Variants in ENO4 observed in about 807,000 individuals in gnomAD.
ENO4 encodes the protein 2-phospho-D-glycerate hydro-lyase.
ENO4 carries 53 observed loss-of-function variants against 63.2 expected under a neutral mutation model. That is an observed-to-expected ratio of 0.84 (90% CI 0.67 to 1.05). ENO4 has a LOEUF of 1.05. Among genes scored for constraint, ENO4 ranks in the 50% least tolerant of loss-of-function variants. The pLI is 0.00. For missense variants in ENO4, 719 were observed against 772.0 expected (o/e 0.93, Z 0.81); for synonymous variants, 266 against 283.8 (o/e 0.94, Z 0.63).
At chr10:116,896,632 T>C (rs1936130249) in intron 10 of ENO4, among the ~76,000 whole-genome samples, 1 of 152,178 alleles carries the variant, frequency 6.6e-6, no homozygotes, top group Non-Finnish European at 1.5e-5. Flanking sequence ...ATAGTGGTGA[T>C]TAAAATGGGT....
chr10:116,861,236 A>AATATAT (rs57040708), intron 6 of ENO4, 46 bp downstream of exon 6: 50 of 168,036 alleles, frequency 3.0e-4, no homozygotes, highest in East Asian at 1.1e-3. Context: ...AAAAAAAAAA[A>AATATAT]ATATATATAT....
intron 11 of ENO4, among the ~76,000 whole-genome samples, chr10:116,876,693 G>A (rs1183494139): frequency 1.3e-5 from 2 of 152,222 alleles, no homozygotes; most frequent in African/African-American, 4.8e-5. Flanking sequence ...GCTCATGCCT[G>A]TAATCCCAGC....
Position 116,905,265 on chromosome 10 carries a change from G to A in ENO4, c.1195-6234G>A, listed in dbSNP as rs1165323798. Among the ~76,000 whole-genome samples, 9 of 150,448 alleles carry A rather than the reference G, an allele frequency of 6.0e-5. No homozygotes were observed. The South Asian group carries it at 1.9e-3, about 32-fold the overall frequency. On this transcript the variant is annotated intron_variant, in intron 10 of 10. Transcript: ENST00000369207. The stretch of plus-strand genomic sequence containing the variant: ...TACATGAGCACTTTAAGGCTGAAAC[G>A]ATGAAAAGGATGACTCAAGCACTGA...
At chr10:116,907,853 G>A in intron 10 of ENO4, 1 of 516,426 alleles carries the variant, frequency 1.9e-6, no homozygotes, top group Non-Finnish European at 3.9e-6. Context: ...AATCTTGCCA[G>A]CCTTTGTAAT....
chr10:116,862,857 G>C lies in ENO4; in HGVS notation c.990+5G>C, dbSNP rs1846451995. 3.3e-6 allele frequency: 5 copies of C among 1,536,374 alleles called. No homozygotes were observed. The highest frequency in any genetic ancestry group is 4.4e-6 in the Non-Finnish European group (5 of 1,134,320). ...ATCAACAAAATAATTGAAATGGTAT[G>C]TAAAGAGATTCTATGTTATCTAGTT... On this transcript the variant is annotated splice_donor_5th_base_variant and intron_variant, in intron 7 of 13. Transcript: ENST00000341276.
At chr10:116,864,983 G>C (rs188975662) in intron 7 of ENO4, among the ~76,000 whole-genome samples, 67 of 152,012 alleles carry the variant, frequency 4.4e-4, no homozygotes, top group African/African-American at 1.6e-3. Context: ...TTGCACCACT[G>C]TACTCCAGCC....
intron 10 of ENO4, among the ~76,000 whole-genome samples, chr10:116,899,083 AT>A (rs1470901526): frequency 1.3e-5 from 2 of 152,232 alleles, no homozygotes; most frequent in East Asian, 1.9e-4. Context: ...AAAAGAATTT[AT>A]TGAAAGCCTA....
At chr10:116,886,083 A>G, downstream of ENO4, 2 of 466,236 alleles carry the variant, frequency 4.3e-6, no homozygotes, top group Non-Finnish European at 7.5e-6. Flanking sequence ...CTTCTAAAAG[A>G]AGTCATACTT....
intron 10 of ENO4, among the ~76,000 whole-genome samples, chr10:116,895,944 C>A (rs1233743888): frequency 6.6e-6 from 1 of 152,080 alleles, no homozygotes; most frequent in Non-Finnish European, 1.5e-5. Flanking sequence ...AATACAGTAA[C>A]AACAACACAG....
intron 10 of ENO4, among the ~76,000 whole-genome samples, chr10:116,904,939 C>A (rs529306950): frequency 1.3e-5 from 2 of 151,920 alleles, no homozygotes; most frequent in African/African-American, 2.4e-5. Context: ...CGGTGGCTCA[C>A]GCCTGTAATC....
At chr10:116,878,352 T>C (rs1271695582) in intron 11 of ENO4, among the ~76,000 whole-genome samples, 1 of 152,158 alleles carries the variant, frequency 6.6e-6, no homozygotes, top group Non-Finnish European at 1.5e-5. Context: ...CTGTGGGTGG[T>C]AGATGATAGA....
intron 3 of ENO4, 57 bp downstream of exon 3, chr10:116,856,739 C>T (rs138188097): frequency 1.4e-5 from 20 of 1,384,392 alleles, no homozygotes; most frequent in South Asian, 2.9e-5. Flanking sequence ...CAGTGGCTCA[C>T]GCCTGTAATC....
chr10:116,865,694 G>A (rs558817002), intron 7 of ENO4, among the ~76,000 whole-genome samples: 4 of 152,272 alleles, frequency 2.6e-5, no homozygotes, highest in Middle Eastern at 6.8e-3. Context: ...TGGCTTGGAA[G>A]GAGAGTTCTG....
downstream of ENO4, chr10:116,883,311 TATA>T (rs967367621): frequency 2.0e-5 from 3 of 152,258 alleles, no homozygotes; most frequent in East Asian, 3.9e-4. Flanking sequence ...TAACTGTATA[TATA>T]ATATTATCTG....
downstream of ENO4, among the ~76,000 whole-genome samples, chr10:116,887,020 GGGGA>G (rs1450689387): frequency 1.3e-5 from 2 of 152,118 alleles, no homozygotes; most frequent in African/African-American, 4.8e-5. Context: ...GCAGGGACAA[GGGGA>G]GTAATCACCC....
chr10:116,872,967 G>A (rs1363948455), intron 9 of ENO4, among the ~76,000 whole-genome samples: 2 of 151,596 alleles, frequency 1.3e-5, no homozygotes, highest in African/African-American at 4.9e-5. Context: ...TGGTTCCTAG[G>A]CATACCATTA....
At position 116,861,077 on chromosome 10, in the gene ENO4, T is replaced by C; in HGVS notation, c.823T>C (p.Ser275Pro). 1 of 1,549,510 alleles carries C rather than the reference T, an allele frequency of 6.5e-7. No homozygotes were observed. Among genetic ancestry groups the C allele is most frequent in the Non-Finnish European group, 8.7e-7 (1 of 1,146,606 alleles). The stretch of plus-strand genomic sequence containing the variant: ...ATTTCAGGAACAGCCAACAACGCTA[T>C]CTATGCCTTTGCTGATGGTATCGCT... ...KHNQEQPTTL[S>P]MPLLMVSLVS... Residue 275 changes from serine (S) to proline (P), a missense_variant, in exon 6 of 14, where the codon TCT (serine) becomes CCT (proline). By Grantham distance (74) the Ser-to-Pro change is moderately conservative (BLOSUM62 -1). Transcript: ENST00000341276.
chr10:116,876,101 G>T lies in ENO4; in HGVS notation c.1378G>T (p.Gly460Cys), dbSNP rs1589763191. Reference protein sequence around the residue: ...EQWDSIYHALGSRCYIIAGTA... With the variant: ...EQWDSIYHALCSRCYIIAGTA... Reference sequence around the variant, plus strand: ...GTGGGACAGCATCTATCACGCACTTGGTTCCAGGTGTTACATAATTGCAGG... The same window carrying T: ...GTGGGACAGCATCTATCACGCACTTTGTTCCAGGTGTTACATAATTGCAGG... Residue 460 changes from glycine (G) to cysteine (C), a missense_variant, in exon 11 of 14, where the codon GGT (glycine) becomes TGT (cysteine). By Grantham distance (159) the Gly-to-Cys change is radical. Transcript: ENST00000341276. 3 of 1,549,920 alleles carry T rather than the reference G, an allele frequency of 1.9e-6. No individual in the cohort carries two copies. The East Asian group carries it at 7.3e-5, about 38-fold the overall frequency.
At chr10:116,868,501 A>G (rs1044011766) in intron 7 of ENO4, 149 bp from the exon 8 acceptor site, 2 of 725,796 alleles carry the variant, frequency 2.8e-6, no homozygotes, top group African/African-American at 1.7e-5. Context: ...AATCATCCCT[A>G]TGTGCATGAG....
Sources: allele counts gnomAD v4.1 joint callset (sites outside exome capture counted in the v4.1 genomes callset), GRCh38; gene constraint gnomAD v4.1.1; transcripts MANE v1.5; gene names NCBI Gene and HGNC (gene_info 2026-07-23, HGNC 2026-07-21).